GALNTL6: variants seen among roughly 807,000 people sequenced by gnomAD.
The protein encoded by GALNTL6 is polypeptide N-acetylgalactosaminyltransferase like 6.
A neutral mutation model predicts 73.7 loss-of-function variants in GALNTL6; 46 were observed. The ratio of observed to expected loss-of-function variants is 0.62; its 90% CI spans 0.49 to 0.80. The LOEUF (loss-of-function observed/expected upper bound fraction) is 0.80, where lower values mean the gene tolerates loss of function less well. Among genes scored for constraint, GALNTL6 ranks in the 30% least tolerant of loss-of-function variants. The probability of loss-of-function intolerance (pLI) is 0.00; values close to 1 mark genes in which losing one functional copy is unlikely to be tolerated. For synonymous variants in GALNTL6, 259 were observed against 263.7 expected (o/e 0.98, Z 0.17); for missense variants, 604 against 755.0 (o/e 0.80, Z 2.34).
At chr4:172,480,133 C>T (rs1290534084) in intron 5 of GALNTL6, among the ~76,000 whole-genome samples, 1 of 152,072 alleles carries the variant, frequency 6.6e-6, no homozygotes, top group Non-Finnish European at 1.5e-5. Context: ...AAGACTATGT[C>T]TCTACAAAAT....
rs369026345 is a variant in GALNTL6, at chr4:172,526,671, A to C, written c.553+177982A>C. 7.2e-5 allele frequency among the ~76,000 whole-genome samples: 11 copies of C among 152,312 alleles called. No individual in the cohort carries two copies. In the East Asian group the frequency reaches 1.5e-3, roughly 21 times the overall value. On this transcript the variant is annotated intron_variant, in intron 5 of 12. Coordinates refer to ENST00000506823, the MANE Select transcript of GALNTL6 (RefSeq NM_001034845.3). The stretch of plus-strand genomic sequence containing the variant: ...ATCATATGGTGAGATAAGAGCTGCC[A>C]GCAGTGTGAAAGTCAAGCAGAATTG...
chr4:171,943,509 G>A (rs748833633), intron 2 of GALNTL6, among the ~76,000 whole-genome samples: 4 of 152,110 alleles, frequency 2.6e-5, no homozygotes, highest in African/African-American at 4.8e-5. Context: ...TCTCTGATAA[G>A]TAGCCACCTA....
intron 5 of GALNTL6, among the ~76,000 whole-genome samples, chr4:172,560,358 C>T (rs987738913): frequency 7.3e-5 from 11 of 151,612 alleles, no homozygotes; most frequent in Admixed American, 3.9e-4. Context: ...ATTAGCAGGG[C>T]GTGATGGTGC....
chr4:172,340,221 A>G (rs918141092), intron 4 of GALNTL6, among the ~76,000 whole-genome samples: 3 of 152,122 alleles, frequency 2.0e-5, no homozygotes, highest in Admixed American at 6.5e-5. Flanking sequence ...TATTTCGTCA[A>G]ATACTTTCTC....
At chr4:172,072,341 GT>G (rs1185428586) in intron 2 of GALNTL6, among the ~76,000 whole-genome samples, 1 of 151,864 alleles carries the variant, frequency 6.6e-6, no homozygotes, top group Non-Finnish European at 1.5e-5. Context: ...GGTCCTTAGG[GT>G]TTTTTTCTAC....
At chr4:172,870,698 G>A (rs531287074) in intron 7 of GALNTL6, among the ~76,000 whole-genome samples, 1 of 152,232 alleles carries the variant, frequency 6.6e-6, no homozygotes, top group Non-Finnish European at 1.5e-5. Flanking sequence ...TTTGGAGATA[G>A]TTGAACAGTT....
chr4:171,818,467 G>T (rs1734584822), intron 2 of GALNTL6, among the ~76,000 whole-genome samples: 1 of 150,680 alleles, frequency 6.6e-6, no homozygotes, highest in Admixed American at 6.6e-5. Context: ...AGAGGATCTT[G>T]CAATTTTTTA....
chr4:171,836,361 G>A (rs1030367576), intron 2 of GALNTL6, among the ~76,000 whole-genome samples: 5 of 151,874 alleles, frequency 3.3e-5, no homozygotes, highest in Admixed American at 2.0e-4. Context: ...AACAATGACC[G>A]TTAAACAGTT....
At chr4:172,403,419 T>C (rs1744109476) in intron 5 of GALNTL6, among the ~76,000 whole-genome samples, 1 of 152,068 alleles carries the variant, frequency 6.6e-6, no homozygotes, top group African/African-American at 2.4e-5. Flanking sequence ...AGAGAACTCA[T>C]TGAACACATT....
intron 5 of GALNTL6, among the ~76,000 whole-genome samples, chr4:172,429,229 T>TTTATTTTA (rs1731351668): frequency 6.6e-6 from 1 of 151,630 alleles, no homozygotes; most frequent in Non-Finnish European, 1.5e-5. Flanking sequence ...TTTTATTTTT[T>TTTATTTTA]GAGACTGAGT....
intron 2 of GALNTL6, among the ~76,000 whole-genome samples, chr4:172,077,836 C>T (rs1303009826): frequency 2.0e-5 from 3 of 152,132 alleles, no homozygotes; most frequent in South Asian, 2.1e-4. Context: ...ATGGCAGCCC[C>T]TCCCATCACA....
rs181742373 is a variant in GALNTL6 at position 172,387,325 on chromosome 4, C to A, written c.553+38636C>A. 6.6e-5 allele frequency among the ~76,000 whole-genome samples: 10 copies of A among 152,176 alleles called. No individual in the cohort carries two copies. In the East Asian group the frequency reaches 9.7e-4, roughly 15 times the overall value. ...CTAAGGTTTCTTTCTTTGGTATTTT[C>A]TGTAGTACAGATATGACAGAAATGA... On this transcript the variant is annotated intron_variant, in intron 5 of 12. Transcript: ENST00000506823.
At chr4:172,421,842 C>T (rs1029918667) in intron 5 of GALNTL6, among the ~76,000 whole-genome samples, 2 of 152,050 alleles carry the variant, frequency 1.3e-5, no homozygotes, top group East Asian at 1.9e-4. Flanking sequence ...CCCAGACATG[C>T]ATAAAATAGT....
At chr4:172,723,502 A>G (rs1735609681) in intron 5 of GALNTL6, among the ~76,000 whole-genome samples, 1 of 152,202 alleles carries the variant, frequency 6.6e-6, no homozygotes, top group Admixed American at 6.5e-5. Flanking sequence ...ACAGAGCTCA[A>G]TACACCATAG....
chr4:172,392,748 C>A (rs1197049528), intron 5 of GALNTL6, among the ~76,000 whole-genome samples: 1 of 152,190 alleles, frequency 6.6e-6, no homozygotes, highest in Non-Finnish European at 1.5e-5. Context: ...GGATTTGAAT[C>A]TCTACTGCTT....
At chr4:172,948,964 G>A (rs1749307085) in intron 9 of GALNTL6, among the ~76,000 whole-genome samples, 1 of 152,112 alleles carries the variant, frequency 6.6e-6, no homozygotes, top group African/African-American at 2.4e-5. Flanking sequence ...CATTTATCAT[G>A]ATCCTCTGAG....
intron 5 of GALNTL6, among the ~76,000 whole-genome samples, chr4:172,740,144 T>C (rs912265877): frequency 5.3e-5 from 8 of 152,120 alleles, no homozygotes; most frequent in African/African-American, 1.9e-4. Context: ...TTGTACTTGT[T>C]CTATTTTATT....
intron 5 of GALNTL6, among the ~76,000 whole-genome samples, chr4:172,805,574 T>C (rs1055027198): frequency 6.6e-6 from 1 of 152,084 alleles, no homozygotes; most frequent in Non-Finnish European, 1.5e-5. Flanking sequence ...ACCAAAAAAA[T>C]TATACAGAGT....
intron 5 of GALNTL6, among the ~76,000 whole-genome samples, chr4:172,680,618 T>C (rs1323261934): frequency 6.6e-6 from 1 of 152,178 alleles, no homozygotes; most frequent in Non-Finnish European, 1.5e-5. Flanking sequence ...GCCTTGTAGC[T>C]AGGTGATCAT....
Sources: allele counts gnomAD v4.1 joint callset (sites outside exome capture counted in the v4.1 genomes callset), GRCh38; gene constraint gnomAD v4.1.1; transcripts MANE v1.5; gene names NCBI Gene and HGNC (gene_info 2026-07-23, HGNC 2026-07-21).